KIAA1210: variants seen among roughly 807,000 people sequenced by gnomAD.
KIAA1210 encodes KIAA1210.
KIAA1210 carries 48 observed loss-of-function variants against 78.9 expected under a neutral mutation model. That is an observed-to-expected ratio of 0.61 (90% confidence interval 0.48 to 0.77). The LOEUF is 0.77. Ranked by LOEUF, KIAA1210 falls within the 30% of genes least tolerant of loss-of-function variation. The probability of loss-of-function intolerance (pLI) is 0.00; values close to 1 mark genes in which losing one functional copy is unlikely to be tolerated. For missense variants in KIAA1210, 1,108 were observed against 1,100.0 expected (o/e 1.01, Z -0.10); for synonymous variants, 406 against 404.5 (o/e 1.00, Z -0.04).
intron 2 of KIAA1210, among the ~76,000 whole-genome samples, chrX:119,133,966 T>C (rs1928855157): frequency 8.9e-6 from 1 of 111,793 alleles, no homozygotes; most frequent in Non-Finnish European, 1.9e-5. Context: ...TCACCTCAAA[T>C]ATTTGTGTTG....
chrX:119,141,104 G>A (rs765155901), intron 2 of KIAA1210, among the ~76,000 whole-genome samples: 5 of 111,762 alleles, frequency 4.5e-5, no homozygotes, highest in South Asian at 3.8e-4. Flanking sequence ...GGAGGCAGAC[G>A]CGCCCGTGCT....
intron 6 of KIAA1210, among the ~76,000 whole-genome samples, chrX:119,100,254 C>T (rs994090326): frequency 1.9e-5 from 2 of 105,253 alleles, no homozygotes; most frequent in Admixed American, 2.1e-4. Context: ...TGCTTGAACC[C>T]GGGAGGTGGA....
At chrX:119,124,730 A>T (rs893929603) in intron 1 of KIAA1210, among the ~76,000 whole-genome samples, 41 of 110,869 alleles carry the variant, frequency 3.7e-4, no homozygotes, top group African/African-American at 1.2e-3. Flanking sequence ...CTCTACAAAA[A>T]TTTTTTTTAA....
chrX:119,151,111 G>C (rs1929289593), upstream of KIAA1210, among the ~76,000 whole-genome samples: 1 of 112,501 alleles, frequency 8.9e-6, no homozygotes, highest in Non-Finnish European at 1.9e-5. Context: ...CGCAGCCCCA[G>C]ACCCACAGGC....
chrX:119,112,495 C>T (rs1048053890), intron 3 of KIAA1210, among the ~76,000 whole-genome samples: 1 of 111,407 alleles, frequency 9.0e-6, no homozygotes, highest in Non-Finnish European at 1.9e-5. Flanking sequence ...TGTGAATAGA[C>T]ATTTCTCCAA....
At chrX:119,135,787 C>T (rs1928897915) in intron 2 of KIAA1210, among the ~76,000 whole-genome samples, 1 of 112,313 alleles carries the variant, frequency 8.9e-6, no homozygotes, top group Non-Finnish European at 1.9e-5. Context: ...GGTGCAGTGG[C>T]TCACGCCTGT....
intron 2 of KIAA1210, among the ~76,000 whole-genome samples, chrX:119,119,988 AAAAAAAAGAAAG>A (rs1394083139): frequency 2.5e-4 from 24 of 94,342 alleles, no homozygotes; most frequent in East Asian, 7.1e-4. Context: ...AAAAAAAAAA[AAAAAAAAGAAAG>A]AAAGAAAAGA....
At chrX:119,147,688 T>C in intron 1 of KIAA1210, 3 of 915,136 alleles carry the variant, frequency 3.3e-6, no homozygotes, top group South Asian at 2.2e-5. Context: ...GGCCACAAGA[T>C]GGCAATGTGT....
At chrX:119,138,132 TA>T (rs1281461066) in intron 2 of KIAA1210, among the ~76,000 whole-genome samples, 1 of 106,355 alleles carries the variant, frequency 9.4e-6, no homozygotes, top group African/African-American at 3.5e-5. Context: ...CAGAAAGGAC[TA>T]AAAGGGACAT....
chrX:119,092,238 A>G (rs1419352963), intron 8 of KIAA1210, among the ~76,000 whole-genome samples: 1 of 111,775 alleles, frequency 8.9e-6, no homozygotes, highest in East Asian at 2.8e-4. Flanking sequence ...TTCTAGTTCT[A>G]AGGAACTCAC....
intron 2 of KIAA1210, among the ~76,000 whole-genome samples, chrX:119,134,097 A>T (rs775006433): frequency 3.7e-4 from 41 of 111,301 alleles, no homozygotes; most frequent in African/African-American, 1.2e-3. Context: ...GTATGTTTGT[A>T]TTAACCAACC....
At chrX:119,131,292 C>T (rs923879888), upstream of KIAA1210, among the ~76,000 whole-genome samples, 1 of 111,758 alleles carries the variant, frequency 8.9e-6, no homozygotes, top group African/African-American at 3.3e-5. Context: ...TCAGGTGGGC[C>T]TCTGAAAAGG....
intron 9 of KIAA1210, among the ~76,000 whole-genome samples, chrX:119,086,019 T>A (rs1267371156): frequency 8.9e-6 from 1 of 112,866 alleles, no homozygotes; most frequent in Non-Finnish European, 1.9e-5. Flanking sequence ...GGATGGAGTG[T>A]GAAGGTCCAA....
intron 7 of KIAA1210, among the ~76,000 whole-genome samples, chrX:119,095,576 CG>C (rs1263580900): frequency 9.0e-6 from 1 of 110,717 alleles, no homozygotes; most frequent in Non-Finnish European, 1.9e-5. Context: ...TTAGTAGAGA[CG>C]GGGTTTCTGC....
Position 119,109,220 on chromosome X carries a change from G to A in KIAA1210, c.231-18C>T. On this transcript the variant is annotated intron_variant, in intron 3 of 11. Coordinates refer to ENST00000691062, the MANE Select transcript of KIAA1210 (RefSeq NM_001394962.1). ...TCTTGGCCCTGGACAGAAAGGAAAG[G>A]TCTTGTAAAAGCAACCCAAGGGCCA... 1 of 1,184,945 alleles carries A rather than the reference G, an allele frequency of 8.4e-7. No homozygotes were observed. Among genetic ancestry groups the A allele is most frequent in the South Asian group, 1.9e-5 (1 of 53,097 alleles).
At chrX:119,123,909 G>A (rs1283598829) in intron 1 of KIAA1210, among the ~76,000 whole-genome samples, 2 of 110,761 alleles carry the variant, frequency 1.8e-5, no homozygotes, top group Admixed American at 1.9e-4. Context: ...GGGCTGGGAG[G>A]ATGTTTTTTG....
intron 2 of KIAA1210, among the ~76,000 whole-genome samples, chrX:119,140,133 G>A (rs1488362935): frequency 1.8e-5 from 2 of 112,443 alleles, no homozygotes; most frequent in Non-Finnish European, 1.9e-5. Flanking sequence ...GTGGGCCAAT[G>A]GTGGCCCAGC....
Position 119,087,879 on chromosome X carries a change from C to G in KIAA1210, c.2823G>C (p.Gln941His). The change falls in exon 9 of 12, where the codon CAG becomes CAC. Residue 941 changes from glutamine to histidine, a missense_variant. Physicochemically the swap from Gln to His is conservative, Grantham distance 24. This residue lies in a region of KIAA1210 where 179 missense variants were observed against 174.1 expected (regional missense o/e 1.03). Transcript: ENST00000691062. ...ACTGGGAAAGATGTCTGGGAAGCAG[C>G]TGCTCCTTAGAAATGTCCTCTTCAA... is the stretch of plus-strand genomic sequence containing the variant. ...TTVEEDISKE[Q>H]LLPRHLSQLT... The G allele has an allele frequency of 8.3e-7, 1 of 1,211,831 alleles. No homozygotes were observed. The highest frequency in any genetic ancestry group is 1.8e-5 in the South Asian group (1 of 56,976).
intron 2 of KIAA1210, among the ~76,000 whole-genome samples, chrX:119,140,836 A>G (rs1199283967): frequency 1.8e-5 from 2 of 112,174 alleles, no homozygotes; most frequent in African/African-American, 3.2e-5. Flanking sequence ...GCTACTGGAG[A>G]TGCTAAGGCA....
Sources: gnomAD v4.1 joint callset for allele counts (sites outside exome capture counted in the v4.1 genomes callset) on GRCh38, gnomAD v4.1.1 for gene constraint, gnomAD v4.1.1 regional missense constraint, MANE v1.5 for transcripts, NCBI Gene and HGNC (gene_info 2026-07-23, HGNC 2026-07-21) for gene names.